WWOX: variants seen among roughly 807,000 people sequenced by gnomAD.
WWOX encodes the protein WW domain-containing oxidoreductase.
A neutral mutation model predicts 46.2 loss-of-function variants in WWOX; 69 were observed. The ratio of observed to expected loss-of-function variants is 1.49; its 90% confidence interval spans 1.23 to 1.82. The LOEUF (loss-of-function observed/expected upper bound fraction) is 1.82. Among genes scored for constraint, WWOX ranks in the 40% most tolerant of loss-of-function variants. The pLI is 0.00. For synonymous variants in WWOX, 359 were observed against 202.6 expected, an observed-to-expected ratio of 1.77 and a Z score of -6.56; for missense variants, 919 against 542.6, an observed-to-expected ratio of 1.69 and a Z score of -6.89.
In WWOX at chr16:78,333,030, G is replaced by A. The variant is rs2080796701; in HGVS notation, c.517-53830G>A. Among the ~76,000 whole-genome samples the A allele has an allele frequency of 2.8e-5, 3 of 107,108 alleles. No individual in the cohort carries two copies. The South Asian group carries it at 8.3e-4, about 30-fold the overall frequency. The allele number at this position is 107,108 out of a possible 152,430, so 70.3% of individuals were successfully genotyped here. A position where few individuals can be genotyped will look rare whatever the true frequency, so the allele number is the denominator to read the frequency against. On this transcript the variant is annotated intron_variant, in intron 5 of 8. Coordinates refer to ENST00000566780, the MANE Select transcript of WWOX (RefSeq NM_016373.4). ...TCGCTTGGGTATTCTGAGTAGCATGGAAGAGCATTATACTTTTTTTTTTTT... is the reference window on the plus strand; with the variant it reads ...TCGCTTGGGTATTCTGAGTAGCATGAAAGAGCATTATACTTTTTTTTTTTT...
chr16:78,841,141 T>A (rs1174676956), intron 8 of WWOX, among the ~76,000 whole-genome samples: 1 of 152,170 alleles, frequency 6.6e-6, no homozygotes, highest in Non-Finnish European at 1.5e-5. Flanking sequence ...GAATTCCCTG[T>A]GCTTATACAG....
intron 8 of WWOX, among the ~76,000 whole-genome samples, chr16:78,800,667 T>A (rs996285610): frequency 6.6e-6 from 1 of 152,220 alleles, no homozygotes; most frequent in East Asian, 1.9e-4. Flanking sequence ...CAGCAAAGAT[T>A]CAACTGAAAA....
chr16:79,042,337 A>G (rs2047987163), intron 8 of WWOX, among the ~76,000 whole-genome samples: 1 of 152,142 alleles, frequency 6.6e-6, no homozygotes, highest in South Asian at 2.1e-4. Context: ...GGAACATGGA[A>G]GTTCATTGAC....
intron 4 of WWOX, among the ~76,000 whole-genome samples, chr16:78,137,368 G>A (rs1021784617): frequency 2.0e-5 from 3 of 152,044 alleles, no homozygotes; most frequent in African/African-American, 4.8e-5. Context: ...CTTTCACCCC[G>A]GAGTCTCAGT....
intron 5 of WWOX, among the ~76,000 whole-genome samples, chr16:78,227,472 C>G (rs1235986506): frequency 1.3e-5 from 2 of 152,146 alleles, no homozygotes; most frequent in African/African-American, 2.4e-5. Context: ...CTGCTCTTTT[C>G]TTGCATACTG....
intron 8 of WWOX, among the ~76,000 whole-genome samples, chr16:78,601,570 G>A (rs954174294): frequency 3.3e-5 from 5 of 152,114 alleles, no homozygotes; most frequent in Admixed American, 1.3e-4. Context: ...AGCACTTTCC[G>A]TTAAAGGGGA....
chr16:78,907,849 G>A (rs963857525), intron 8 of WWOX, among the ~76,000 whole-genome samples: 1 of 152,096 alleles, frequency 6.6e-6, no homozygotes, highest in Admixed American at 6.5e-5. Flanking sequence ...CCGCAAAGAC[G>A]AGGGAGCAGC....
intron 5 of WWOX, among the ~76,000 whole-genome samples, chr16:78,342,379 C>A (rs185958924): frequency 8.2e-6 from 1 of 121,372 alleles, no homozygotes; most frequent in Admixed American, 8.0e-5. Flanking sequence ...GGGGACTCCA[C>A]TGTCTTGGAG....
At chr16:78,188,116 G>T (rs2035766231) in intron 5 of WWOX, among the ~76,000 whole-genome samples, 1 of 152,132 alleles carries the variant, frequency 6.6e-6, no homozygotes. Context: ...ATGAAATTTA[G>T]TACTTGTCAA....
chr16:78,379,496 G>T (rs975215073), intron 5 of WWOX, among the ~76,000 whole-genome samples: 1 of 152,178 alleles, frequency 6.6e-6, no homozygotes, highest in Admixed American at 6.5e-5. Context: ...CACCCACATA[G>T]TGATGATGCT....
intron 5 of WWOX, among the ~76,000 whole-genome samples, chr16:78,383,710 C>T (rs1288125905): frequency 6.6e-6 from 1 of 152,148 alleles, no homozygotes; most frequent in Non-Finnish European, 1.5e-5. Flanking sequence ...TTTTCCATCC[C>T]CTGGACTTAC....
intron 8 of WWOX, among the ~76,000 whole-genome samples, chr16:78,654,412 T>C (rs1380669756): frequency 6.6e-6 from 1 of 152,248 alleles, no homozygotes; most frequent in African/African-American, 2.4e-5. Context: ...CTGTGTACTA[T>C]GCTCTATTGA....
intron 8 of WWOX, among the ~76,000 whole-genome samples, chr16:78,807,003 G>T (rs769886469): frequency 2.6e-5 from 4 of 152,116 alleles, no homozygotes; most frequent in Non-Finnish European, 4.4e-5. Context: ...TATGAAATGG[G>T]GGACACTAAT....
intron 8 of WWOX, among the ~76,000 whole-genome samples, chr16:78,688,327 A>G (rs995792364): frequency 1.3e-5 from 2 of 151,634 alleles, no homozygotes; most frequent in African/African-American, 4.8e-5. Context: ...CTGAGAGAAA[A>G]TTCACGAGAT....
intron 4 of WWOX, among the ~76,000 whole-genome samples, chr16:78,161,804 A>G (rs1376477925): frequency 2.0e-5 from 3 of 152,012 alleles, no homozygotes; most frequent in African/African-American, 7.3e-5. Context: ...ATTTGTAGAG[A>G]TTTACATCTT....
chr16:78,579,400 G>A (rs988902574), intron 8 of WWOX, among the ~76,000 whole-genome samples: 3 of 152,142 alleles, frequency 2.0e-5, no homozygotes, highest in Admixed American at 1.3e-4. Context: ...GGTAAACTGA[G>A]TTCACCAGGC....
chr16:78,985,152 C>T (rs1201820772), intron 8 of WWOX, among the ~76,000 whole-genome samples: 1 of 152,232 alleles, frequency 6.6e-6, no homozygotes, highest in Non-Finnish European at 1.5e-5. Flanking sequence ...TTAGCCCCAG[C>T]AGCAGAGGCT....
intron 8 of WWOX, among the ~76,000 whole-genome samples, chr16:79,063,873 T>G (rs2048396982): frequency 6.6e-6 from 1 of 152,222 alleles, no homozygotes; most frequent in African/African-American, 2.4e-5. Context: ...CTGAAATCAA[T>G]TTTAAAGTAG....
chr16:78,452,194 C>T (rs993766528), intron 8 of WWOX, among the ~76,000 whole-genome samples: 17 of 152,156 alleles, frequency 1.1e-4, no homozygotes, highest in African/African-American at 3.9e-4. Context: ...ATCTGTAGTT[C>T]GGACATATTT....
Sources: allele counts gnomAD v4.1 joint callset (sites outside exome capture counted in the v4.1 genomes callset), GRCh38; gene constraint gnomAD v4.1.1; transcripts MANE v1.5; gene names NCBI Gene and HGNC (gene_info 2026-07-23, HGNC 2026-07-21).